The following MCTP1 variants were observed in gnomAD, a reference collection of about 807,000 sequenced individuals.
MCTP1 encodes the protein multiple C2 and transmembrane domain-containing protein 1.
MCTP1 carries 69 observed loss-of-function variants against 120.6 expected under a neutral mutation model. The ratio of observed to expected loss-of-function variants is 0.57; its 90% CI spans 0.47 to 0.70. The LOEUF (loss-of-function observed/expected upper bound fraction) is 0.70, where lower values mean the gene tolerates loss of function less well. Ranked by LOEUF, MCTP1 falls within the 30% of genes least tolerant of loss-of-function variation. MCTP1 has a pLI of 0.00. For missense variants in MCTP1, 1,203 were observed against 1,248.8 expected, an observed-to-expected ratio of 0.96 and a Z score of 0.55; for synonymous variants, 529 against 493.1, an observed-to-expected ratio of 1.07 and a Z score of -0.96.
At chr5:95,198,142 C>CATAT (rs976719167) in intron 1 of MCTP1, among the ~76,000 whole-genome samples, 5 of 151,704 alleles carry the variant, frequency 3.3e-5, no homozygotes, top group African/African-American at 1.2e-4. Flanking sequence ...TGTATATATA[C>CATAT]ATATATGCAC....
At chr5:95,080,450 T>C (rs1195635096) in intron 1 of MCTP1, among the ~76,000 whole-genome samples, 1 of 152,170 alleles carries the variant, frequency 6.6e-6, no homozygotes, top group African/African-American at 2.4e-5. Context: ...AGTAAGTCAA[T>C]TAAGAAGTAC....
chr5:95,191,582 T>C (rs1749831863), intron 1 of MCTP1, among the ~76,000 whole-genome samples: 1 of 152,140 alleles, frequency 6.6e-6, no homozygotes, highest in South Asian at 2.1e-4. Context: ...CAGTTATAAG[T>C]CCCAGTGAGT....
At chr5:95,275,703 T>G (rs1452453085) in intron 1 of MCTP1, among the ~76,000 whole-genome samples, 2 of 152,202 alleles carry the variant, frequency 1.3e-5, no homozygotes, top group African/African-American at 4.8e-5. Context: ...TCAGTGTGCA[T>G]GTATGCATTT....
At chr5:95,050,754 T>A (rs1745694906) in intron 1 of MCTP1, among the ~76,000 whole-genome samples, 1 of 152,172 alleles carries the variant, frequency 6.6e-6, no homozygotes, top group Non-Finnish European at 1.5e-5. Flanking sequence ...AAAAAACCAG[T>A]GTGGAAGTTC....
At chr5:95,193,170 A>G (rs1750012995) in intron 1 of MCTP1, among the ~76,000 whole-genome samples, 1 of 152,178 alleles carries the variant, frequency 6.6e-6, no homozygotes, top group Admixed American at 6.5e-5. Context: ...AAAGAGATTT[A>G]AAAGCAAATA....
In MCTP1 at chr5:94,787,622, G is replaced by GTTTT. The variant is rs11432604; in HGVS notation, c.2557-8463_2557-8460dup. ...TATTAAGCACTTACTGTTTTTTTTT[G>GTTTT]TTTTTTTTTTTTGAGACGGCGTCTC... is the stretch of plus-strand genomic sequence containing the variant. On this transcript the variant is annotated intron_variant, in intron 18 of 22. Coordinates refer to ENST00000515393, the MANE Select transcript of MCTP1 (RefSeq NM_024717.7). 8.5e-3 allele frequency among the ~76,000 whole-genome samples: 1,199 copies of GTTTT among 141,426 alleles called. 18 individuals carry two copies. The highest frequency in any genetic ancestry group is 0.03 in the African/African-American group (1,155 of 38,656). 92.8% of individuals were successfully genotyped at this position (141,426 alleles called of 152,430 possible). A position where few individuals can be genotyped will look rare whatever the true frequency, so the allele number is the denominator to read the frequency against.
chr5:95,014,602 A>C (rs532822961), intron 2 of MCTP1, among the ~76,000 whole-genome samples: 1 of 152,256 alleles, frequency 6.6e-6, no homozygotes, highest in South Asian at 2.1e-4. Flanking sequence ...TTTGATATTT[A>C]CCAGTTTTTA....
intron 19 of MCTP1, among the ~76,000 whole-genome samples, chr5:94,724,862 T>G (rs940065489): frequency 1.3e-5 from 2 of 152,044 alleles, no homozygotes; most frequent in African/African-American, 4.8e-5. Context: ...TGCTTTCAGA[T>G]GGACTCCAAG....
chr5:94,745,779 G>T (rs962888497), intron 19 of MCTP1, among the ~76,000 whole-genome samples: 2 of 152,330 alleles, frequency 1.3e-5, no homozygotes, highest in South Asian at 2.1e-4. Flanking sequence ...GCAAGCAACA[G>T]AATATTCTAG....
intron 1 of MCTP1, among the ~76,000 whole-genome samples, chr5:95,116,132 C>A (rs1757808719): frequency 6.6e-6 from 1 of 151,954 alleles, no homozygotes; most frequent in Non-Finnish European, 1.5e-5. Context: ...TCACACCAGA[C>A]CTATCCTACA....
At chr5:94,846,805 C>CTCTGTGTGTG (rs909716660) in intron 17 of MCTP1, among the ~76,000 whole-genome samples, 33 of 140,378 alleles carry the variant, frequency 2.4e-4, no homozygotes, top group Non-Finnish European at 3.6e-4. Context: ...ACATGTGTGT[C>CTCTGTGTGTG]TCTGTGTGTG....
chr5:94,974,620 T>A (rs369357808), intron 2 of MCTP1, among the ~76,000 whole-genome samples: 53 of 152,146 alleles, frequency 3.5e-4, no homozygotes, highest in African/African-American at 1.3e-3. Context: ...ATTGGCTTTG[T>A]TAAGTCAAGA....
At position 94,823,478 on chromosome 5, in the gene MCTP1, T is replaced by C. The variant is rs1268311390; in HGVS notation, c.2437-24346A>G. On this transcript the variant is annotated intron_variant, in intron 17 of 22. Transcript: ENST00000515393. ...AGTATAGTTTGAAGTCAGGTAGCATTATGCATCCGGCTTTGTTCTTTTTGC... is the reference window on the plus strand; with the variant it reads ...AGTATAGTTTGAAGTCAGGTAGCATCATGCATCCGGCTTTGTTCTTTTTGC... Among the ~76,000 whole-genome samples, 7 of 152,192 alleles carry C rather than the reference T, an allele frequency of 4.6e-5. No homozygotes were observed. The East Asian group carries it at 1.3e-3, about 29-fold the overall frequency.
intron 1 of MCTP1, among the ~76,000 whole-genome samples, chr5:95,272,260 T>C (rs973055971): frequency 6.6e-6 from 1 of 152,192 alleles, no homozygotes; most frequent in South Asian, 2.1e-4. Flanking sequence ...TGAAAAAATA[T>C]ATTATAAAAG....
intron 1 of MCTP1, among the ~76,000 whole-genome samples, chr5:95,086,095 G>T (rs1210827911): frequency 2.0e-5 from 3 of 151,796 alleles, no homozygotes; most frequent in Non-Finnish European, 4.4e-5. Flanking sequence ...TTATTTACCT[G>T]TAATTGAGTC....
chr5:94,767,410 G>T (rs1421299869), intron 19 of MCTP1, among the ~76,000 whole-genome samples: 1 of 152,118 alleles, frequency 6.6e-6, no homozygotes, highest in Non-Finnish European at 1.5e-5. Context: ...GAAAGTCCTA[G>T]CTAGAGCAAT....
chr5:94,964,804 G>A (rs961945422), intron 2 of MCTP1, among the ~76,000 whole-genome samples: 14 of 152,036 alleles, frequency 9.2e-5, no homozygotes, highest in African/African-American at 3.4e-4. Flanking sequence ...CAGTCACTCT[G>A]TCTTTTGATT....
At chr5:95,183,316 C>G (rs1748826883) in intron 1 of MCTP1, among the ~76,000 whole-genome samples, 2 of 151,556 alleles carry the variant, frequency 1.3e-5, no homozygotes, top group South Asian at 2.1e-4. Context: ...TAAGCATAAG[C>G]CTTAAAACTT....
chr5:95,262,335 G>A (rs1032033272), intron 1 of MCTP1, among the ~76,000 whole-genome samples: 7 of 152,132 alleles, frequency 4.6e-5, no homozygotes, highest in Admixed American at 3.3e-4. Flanking sequence ...AACCAAGCCA[G>A]CACCTTCTAC....
Sources: allele counts gnomAD v4.1 joint callset (sites outside exome capture counted in the v4.1 genomes callset), GRCh38; gene constraint gnomAD v4.1.1; transcripts MANE v1.5; gene names NCBI Gene and HGNC (gene_info 2026-07-23, HGNC 2026-07-21).